The following HTT variants were observed in gnomAD, a reference collection of about 807,000 sequenced individuals.
The protein encoded by HTT is huntington disease protein.
HTT carries 104 observed loss-of-function variants against 362.3 expected under a neutral mutation model. The ratio of observed to expected loss-of-function variants is 0.29; its 90% CI spans 0.24 to 0.34. The LOEUF (loss-of-function observed/expected upper bound fraction) is 0.34. HTT is among the 10% of genes least tolerant of loss of function. HTT has a pLI of 1.00. For synonymous variants in HTT, 1,577 were observed against 1,548.7 expected, an observed-to-expected ratio of 1.02 and a Z score of -0.43; for missense variants, 3,301 against 3,928.6, an observed-to-expected ratio of 0.84 and a Z score of 4.27.
chr4:3,091,915 CT>C (rs1713529326), intron 2 of HTT, among the ~76,000 whole-genome samples: 1 of 152,148 alleles, frequency 6.6e-6, no homozygotes, highest in South Asian at 2.1e-4. Context: ...GTGCTTACCC[CT>C]AGGAAAGTGT....
At chr4:3,234,765 TG>T (rs1010708331) in intron 61 of HTT, among the ~76,000 whole-genome samples, 1 of 152,142 alleles carries the variant, frequency 6.6e-6, no homozygotes, top group African/African-American at 2.4e-5. Flanking sequence ...GGCACGTTTT[TG>T]TGGGTGTTGG....
chr4:3,211,470 CA>C (rs1479795703), intron 47 of HTT, among the ~76,000 whole-genome samples: 1 of 152,184 alleles, frequency 6.6e-6, no homozygotes, highest in Non-Finnish European at 1.5e-5. Flanking sequence ...TCCAAATTGA[CA>C]TAAGAAATAC....
intron 26 of HTT, among the ~76,000 whole-genome samples, chr4:3,152,077 C>T (rs1716922127): frequency 6.6e-6 from 1 of 151,006 alleles, no homozygotes; most frequent in Non-Finnish European, 1.5e-5. Context: ...ACAGGCATAC[C>T]CACCATGCCC....
chr4:3,121,694 CAAAAAAAA>C (rs1019406950), intron 9 of HTT: 92 of 39,778 alleles, frequency 2.3e-3, no homozygotes, highest in African/African-American at 8.9e-3. Context: ...CCTGTCTCTA[CAAAAAAAA>C]AAAAAAAAAA....
rs186059898 is a variant in HTT, at chr4:3,141,477, G to A, written c.2945+821G>A. ...GTAAAGACTGCTTTAAAAAACACAT[G>A]GAAGGCTGGGTGCGGTGGCTCACGC... On this transcript the variant is annotated intron_variant, in intron 22 of 66. Transcript: ENST00000355072. 4.5e-4 allele frequency among the ~76,000 whole-genome samples: 69 copies of A among 152,228 alleles called. 1 individual carries two copies. The highest frequency in any genetic ancestry group is 1.5e-3 in the African/African-American group (61 of 41,536).
chr4:3,169,163 C>T (rs901495984), intron 29 of HTT, among the ~76,000 whole-genome samples: 8 of 151,946 alleles, frequency 5.3e-5, no homozygotes, highest in Admixed American at 6.6e-5. Context: ...GGACTACAGG[C>T]GCCTGCCACC....
At chr4:3,085,407 A>G (rs1713156744) in intron 1 of HTT, among the ~76,000 whole-genome samples, 1 of 152,156 alleles carries the variant, frequency 6.6e-6, no homozygotes, top group African/African-American at 2.4e-5. Context: ...AAGTGCTGGG[A>G]TTACAGGCGT....
intron 8 of HTT, among the ~76,000 whole-genome samples, chr4:3,119,528 T>C (rs1715193534): frequency 6.6e-6 from 1 of 152,242 alleles, no homozygotes; most frequent in Non-Finnish European, 1.5e-5. Context: ...GAATAACATT[T>C]GTGAACATTA....
At chr4:3,133,908 G>A (rs961877558) in intron 18 of HTT, among the ~76,000 whole-genome samples, 1 of 152,178 alleles carries the variant, frequency 6.6e-6, no homozygotes, top group African/African-American at 2.4e-5. Flanking sequence ...CTTTGTGTCA[G>A]CCATGCATGT....
Position 3,240,140 on chromosome 4 carries a change from C to A in HTT, c.*81C>A. On this transcript the variant is annotated 3_prime_UTR_variant, in exon 67 of 67. Transcript: ENST00000355072. The stretch of plus-strand genomic sequence containing the variant: ...CTGCGCCCTTGTGCCCTGCCTCCAC[C>A]GAGCCAGCTTGGTCCCTATGGGCTT... 2 of 1,252,774 alleles carry A rather than the reference C, an allele frequency of 1.6e-6. No individual in the cohort carries two copies. The highest frequency in any genetic ancestry group is 1.3e-5 in the South Asian group (1 of 74,534). The allele number at this position is 1,252,774 out of a possible 1,614,324, so 77.6% of individuals were successfully genotyped here.
chr4:3,107,483 G>A (rs1425427062), intron 6 of HTT, 60 bp downstream of exon 6: 2 of 1,574,666 alleles, frequency 1.3e-6, no homozygotes, highest in Non-Finnish European at 8.7e-7. Context: ...GTCTGTGGAG[G>A]GTGAGGGCTT....
At position 3,136,231 on chromosome 4, in the gene HTT, A is replaced by C; in HGVS notation, c.2703A>C (p.Leu901Phe). 6.2e-7 allele frequency: 1 copy of C among 1,603,272 alleles called. No homozygotes were observed. The highest frequency in any genetic ancestry group is 8.5e-7 in the Non-Finnish European group (1 of 1,170,770). ...HRGAHHYTGL[L>F]KLQERVLNNV... ...TATTATCCTTCTCTCTAAAGCTTTTAAAACTGCAAGAACGAGTGCTCAATA... is the reference window on the plus strand; with the variant it reads ...TATTATCCTTCTCTCTAAAGCTTTTCAAACTGCAAGAACGAGTGCTCAATA... Residue 901 changes from leucine (L) to phenylalanine (F), a missense_variant, in exon 21 of 67, where the codon TTA becomes TTC. Coordinates refer to ENST00000355072, the MANE Select transcript of HTT (RefSeq NM_001388492.1).
chr4:3,231,745 C>T (rs1453406290), intron 60 of HTT, among the ~76,000 whole-genome samples: 3 of 152,166 alleles, frequency 2.0e-5, no homozygotes, highest in East Asian at 1.9e-4. Flanking sequence ...GATGTCAAAG[C>T]GGCTCTTGGA....
At chr4:3,170,002 T>G (rs903686832) in intron 29 of HTT, among the ~76,000 whole-genome samples, 2 of 152,284 alleles carry the variant, frequency 1.3e-5, no homozygotes, top group African/African-American at 2.4e-5. Flanking sequence ...AATATCCTTC[T>G]CTGCTAGTTC....
At chr4:3,108,497 CCA>C (rs1456391398) in intron 6 of HTT, among the ~76,000 whole-genome samples, 1 of 152,158 alleles carries the variant, frequency 6.6e-6, no homozygotes, top group Non-Finnish European at 1.5e-5. Context: ...CTCCACAGCG[CCA>C]GTTTGCCCAT....
Position 3,112,148 on chromosome 4 carries a change from G to T in HTT, c.748-3156G>T, listed in dbSNP as rs142598592. ...CAACTTCTTTACATGATTTTTGTGG[G>T]GTTTCTGGGTAGCAGAGCTTCACAA... On this transcript the variant is annotated intron_variant, in intron 6 of 66. Coordinates refer to ENST00000355072, the MANE Select transcript of HTT (RefSeq NM_001388492.1). 1.6e-3 allele frequency among the ~76,000 whole-genome samples: 244 copies of T among 152,182 alleles called. 2 individuals are homozygous for T. The highest frequency in any genetic ancestry group is 2.9e-3 in the Admixed American group (45 of 15,282).
rs1721170480 is a variant in HTT at position 3,229,921 on chromosome 4, A to G, written c.8144A>G (p.Asn2715Ser). 6.2e-7 allele frequency: 1 copy of G among 1,614,178 alleles called. No homozygotes were observed. Among genetic ancestry groups the G allele is most frequent in the Non-Finnish European group, 8.5e-7 (1 of 1,180,008 alleles). The change falls in exon 60 of 67, where the codon AAC becomes AGC. Residue 2715 changes from asparagine (N) to serine (S), a missense_variant. This residue lies in a region of HTT where 753 missense variants were observed against 1,021.3 expected (regional missense o/e 0.74). Coordinates refer to ENST00000355072, the MANE Select transcript of HTT (RefSeq NM_001388492.1). ...LVVSDLFTER[N>S]QFELMYVTLT... is the part of the protein sequence containing the mutation. ...GTCTCAGACTTGTTCACCGAGCGCA[A>G]CCAGTTTGAGCTGATGTATGTGACG...
chr4:3,093,100 C>T (rs565868022), intron 2 of HTT, among the ~76,000 whole-genome samples: 1 of 152,300 alleles, frequency 6.6e-6, no homozygotes, highest in Admixed American at 6.5e-5. Flanking sequence ...GACCTGCACC[C>T]TGCCCTCTCA....
At chr4:3,215,374 G>T (rs1720349955) in intron 51 of HTT, among the ~76,000 whole-genome samples, 163 bp downstream of exon 51, 1 of 152,130 alleles carries the variant, frequency 6.6e-6, no homozygotes, top group Non-Finnish European at 1.5e-5. Context: ...GTAGTCCATT[G>T]CTTTGCCAGC....
Sources: gnomAD v4.1 joint callset for allele counts (sites outside exome capture counted in the v4.1 genomes callset) on GRCh38, gnomAD v4.1.1 for gene constraint, gnomAD v4.1.1 regional missense constraint, MANE v1.5 for transcripts, NCBI Gene and HGNC (gene_info 2026-07-23, HGNC 2026-07-21) for gene names.